FAHD1: variants seen among roughly 807,000 people sequenced by gnomAD.
FAHD1 encodes FAH domain containing oxaloacetate decarboxylase 1, also known as oxaloacetate tautomerase FAHD1, mitochondrial.
A neutral mutation model predicts 12.7 loss-of-function variants in FAHD1; 14 were observed. The observed-to-expected ratio is 1.10, with a 90% CI of 0.73 to 1.72. FAHD1 has a LOEUF of 1.72. FAHD1 is among the 40% of genes most tolerant of loss of function. The pLI is 0.00. For synonymous variants in FAHD1, 153 were observed against 124.9 expected (o/e 1.22, Z -1.50); for missense variants, 351 against 298.9 (o/e 1.17, Z -1.29).
At chr16:1,832,495 A>G (rs1001581234), downstream of FAHD1, among the ~76,000 whole-genome samples, 10 of 149,178 alleles carry the variant, frequency 6.7e-5, no homozygotes, top group Non-Finnish European at 1.2e-4. Flanking sequence ...TCTTAAAAAT[A>G]TAAGTGTCAG....
downstream of FAHD1, among the ~76,000 whole-genome samples, chr16:1,830,024 C>T (rs1038410969): frequency 7.2e-5 from 11 of 152,134 alleles, no homozygotes; most frequent in Admixed American, 1.3e-4. Context: ...CCACCACACC[C>T]GGCTAATTTT....
At chr16:1,830,126 G>A (rs534827181), downstream of FAHD1, among the ~76,000 whole-genome samples, 3 of 152,254 alleles carry the variant, frequency 2.0e-5, no homozygotes, top group Non-Finnish European at 4.4e-5. Flanking sequence ...GCGTCCCAAA[G>A]TGCTGGGATT....
At chr16:1,839,036 T>C (rs1215298624) in intron 2 of FAHD1, among the ~76,000 whole-genome samples, 3 of 152,200 alleles carry the variant, frequency 2.0e-5, no homozygotes, top group Non-Finnish European at 4.4e-5. Flanking sequence ...ATGGCCTCAG[T>C]CATTACTCAT....
chr16:1,830,915 T>TCTACACACACACACAC (rs1326026830), downstream of FAHD1, among the ~76,000 whole-genome samples: 6 of 37,564 alleles, frequency 1.6e-4, no homozygotes, highest in African/African-American at 6.1e-4. Context: ...TCTCTCTCTC[T>TCTACACACACACACAC]ATACACACAC....
At chr16:1,831,756 G>A (rs946406904), downstream of FAHD1, among the ~76,000 whole-genome samples, 2 of 152,114 alleles carry the variant, frequency 1.3e-5, no homozygotes, top group Non-Finnish European at 2.9e-5. Context: ...TCTGCTTCCC[G>A]TCAGATCAGT....
exon 1 of FAHD1, chr16:1,827,295 C>T: frequency 6.2e-7 from 1 of 1,613,138 alleles, no homozygotes; most frequent in Non-Finnish European, 8.5e-7. Flanking sequence ...ACATCGTCTG[C>T]GTGGGGAGGA....
chr16:1,835,263 A>C (rs75808584), intron 1 of FAHD1, among the ~76,000 whole-genome samples: 1 of 143,096 alleles, frequency 7.0e-6, no homozygotes, highest in East Asian at 2.3e-4. Context: ...ACTGTGTCTC[A>C]AAAAAAAAAA....
chr16:1,837,667 T>G (rs1203395102), intron 1 of FAHD1: 4 of 562,480 alleles, frequency 7.1e-6, no homozygotes, highest in African/African-American at 5.7e-5. Flanking sequence ...CTTATGCACA[T>G]CTGGGAACTG....
At chr16:1,836,979 C>T (rs554320785) in intron 1 of FAHD1, among the ~76,000 whole-genome samples, 4 of 152,212 alleles carry the variant, frequency 2.6e-5, no homozygotes, top group South Asian at 4.1e-4. Flanking sequence ...AGTGAAGCAA[C>T]TAGGCTGGCT....
At chr16:1,833,553 A>AGT (rs1491470340), downstream of FAHD1, among the ~76,000 whole-genome samples, 1 of 99,046 alleles carries the variant, frequency 1.0e-5, no homozygotes, top group Non-Finnish European at 2.0e-5. Flanking sequence ...CTTTAGAGGT[A>AGT]CTTTTTTTTT....
At chr16:1,839,547 T>G in exon 3 of FAHD1, 1 of 985,990 alleles carries the variant, frequency 1.0e-6, no homozygotes, top group Non-Finnish European at 1.5e-6. Flanking sequence ...TGTGGAAAAC[T>G]TACTGAGTGT....
In FAHD1 at chr16:1,835,209, C is replaced by G. The variant is rs10468423; in HGVS notation, c.628-2807C>G. Among the ~76,000 whole-genome samples, 7 of 151,372 alleles carry G rather than the reference C, an allele frequency of 4.6e-5. No homozygotes were observed. In the East Asian group the frequency reaches 1.4e-3, roughly 29 times the overall value. ...GGTTGAGGCTGCAGTAAGCTGTGAT[C>G]GCACCACGTGCTCCAGCCTGTGTGA... On this transcript the variant is annotated intron_variant, in intron 1 of 2. Transcript: ENST00000382666.
exon 1 of FAHD1, chr16:1,827,528 G>A: frequency 1.2e-6 from 2 of 1,613,204 alleles, no homozygotes; most frequent in Non-Finnish European, 1.7e-6. Context: ...TATGCCCTGT[G>A]CCTGGATATG....
intron 1 of FAHD1, among the ~76,000 whole-genome samples, chr16:1,835,440 T>C (rs1898717281): frequency 6.6e-6 from 1 of 152,194 alleles, no homozygotes; most frequent in Non-Finnish European, 1.5e-5. Flanking sequence ...TACAGCACTT[T>C]AACCAACATT....
At chr16:1,836,793 T>C in intron 1 of FAHD1, among the ~76,000 whole-genome samples, 1 of 152,214 alleles carries the variant, frequency 6.6e-6, no homozygotes, top group East Asian at 1.9e-4. Flanking sequence ...CACGCAATGT[T>C]TTCTAGAGGC....
downstream of FAHD1, among the ~76,000 whole-genome samples, chr16:1,830,915 T>TACAC (rs1555470121): frequency 1.3e-4 from 5 of 37,528 alleles, no homozygotes; most frequent in African/African-American, 5.1e-4. Flanking sequence ...TCTCTCTCTC[T>TACAC]ATACACACAC....
At chr16:1,838,882 G>A (rs1029245965) in intron 2 of FAHD1, among the ~76,000 whole-genome samples, 2 of 152,182 alleles carry the variant, frequency 1.3e-5, no homozygotes, top group East Asian at 3.9e-4. Flanking sequence ...AGTAGAAATG[G>A]GGTTTCGCCA....
At chr16:1,832,112 A>G (rs1370236811), downstream of FAHD1, among the ~76,000 whole-genome samples, 4 of 151,682 alleles carry the variant, frequency 2.6e-5, no homozygotes, top group African/African-American at 9.7e-5. Flanking sequence ...GCACTTGACA[A>G]GACTGTTTAA....
downstream of FAHD1, among the ~76,000 whole-genome samples, chr16:1,830,944 A>ACACACACCCCACCCACC (rs57025691): frequency 1.6e-3 from 243 of 147,294 alleles, no homozygotes; most frequent in South Asian, 8.8e-3. Flanking sequence ...ACACACACAC[A>ACACACACCCCACCCACC]CCCATATTTT....
Sources: gnomAD v4.1 joint callset for allele counts (sites outside exome capture counted in the v4.1 genomes callset) on GRCh38, gnomAD v4.1.1 for gene constraint, MANE v1.5 for transcripts, NCBI Gene and HGNC (gene_info 2026-07-23, HGNC 2026-07-21) for gene names.